Variants in JMY observed in about 807,000 individuals in gnomAD.
JMY encodes the protein junction-mediating and -regulatory protein.
Under a neutral mutation model 103.3 loss-of-function variants are expected in JMY, and 46 were observed. That is an observed-to-expected ratio of 0.45 (90% confidence interval 0.35 to 0.57). JMY has a LOEUF of 0.57. Among genes scored for constraint, JMY ranks in the 20% least tolerant of loss-of-function variants. The pLI, the probability that JMY is intolerant of heterozygous loss-of-function variation, is 0.00. For missense variants in JMY, 1,238 were observed against 1,255.2 expected (o/e 0.99, Z 0.21); for synonymous variants, 526 against 489.3 (o/e 1.07, Z -0.99).
At chr5:79,272,510 C>T (rs1745814992) in intron 1 of JMY, among the ~76,000 whole-genome samples, 1 of 150,924 alleles carries the variant, frequency 6.6e-6, no homozygotes, top group African/African-American at 2.4e-5. Flanking sequence ...CTCTTCTTTT[C>T]CTGATTTCTT....
intron 7 of JMY, among the ~76,000 whole-genome samples, chr5:79,312,005 T>C (rs1027810593): frequency 6.6e-6 from 1 of 152,038 alleles, no homozygotes; most frequent in African/African-American, 2.4e-5. Flanking sequence ...TGGGTAGAGA[T>C]AGGGTTTCAC....
Position 79,236,786 on chromosome 5 carries a change from T to C in JMY, c.136T>C (p.Cys46Arg). 1 of 1,510,922 alleles carries C rather than the reference T, an allele frequency of 6.6e-7. No individual in the cohort carries two copies. Among genetic ancestry groups the C allele is most frequent in the Non-Finnish European group, 8.9e-7 (1 of 1,128,120 alleles). The allele number at this position is 1,510,922 out of a possible 1,614,324, so 93.6% of individuals were successfully genotyped here. A position where few individuals can be genotyped will look rare whatever the true frequency, so the allele number is the denominator to read the frequency against. ...NEIEGKFAIT[C>R]HNRTAQRQRS... ...GATTGAGGGCAAGTTTGCCATAACC[T>C]GCCACAACCGGACGGCCCAGAGGCA... Residue 46 changes from cysteine to arginine, a missense_variant, in exon 1 of 11, where the codon TGC (cysteine) becomes CGC (arginine). Coordinates refer to ENST00000396137, the MANE Select transcript of JMY (RefSeq NM_152405.5).
At position 79,326,448 on chromosome 5, in the gene JMY, A is replaced by G. The variant is rs1318442908; in HGVS notation, c.*4846A>G. ...ATTATATTGGTTTTAAAAAGTCTGC[A>G]TAATCACTAGGTGGCATTTTCCCTT... On this transcript the variant is annotated 3_prime_UTR_variant, in exon 11 of 11. Coordinates refer to ENST00000396137, the MANE Select transcript of JMY (RefSeq NM_152405.5). 1 of 152,064 alleles carries G rather than the reference A, an allele frequency of 6.6e-6. No homozygotes were observed. The highest frequency in any genetic ancestry group is 2.4e-5 in the African/African-American group (1 of 41,398). 9.4% of individuals were successfully genotyped at this position (152,064 alleles called of 1,614,324 possible).
At chr5:79,267,370 G>T (rs1188311707) in intron 1 of JMY, among the ~76,000 whole-genome samples, 1 of 151,884 alleles carries the variant, frequency 6.6e-6, no homozygotes, top group East Asian at 1.9e-4. Context: ...CTGTTGATTG[G>T]AGTGCTCCAT....
Position 79,269,676 on chromosome 5 carries a change from G to A in JMY, c.1033-8234G>A, listed in dbSNP as rs555978199. Among the ~76,000 whole-genome samples the A allele has an allele frequency of 3.2e-3, 484 of 152,078 alleles. 1 individual carries two copies. The highest frequency in any genetic ancestry group is 5.6e-3 in the Non-Finnish European group (381 of 67,982). On this transcript the variant is annotated intron_variant, in intron 1 of 10. Coordinates refer to ENST00000396137, the MANE Select transcript of JMY (RefSeq NM_152405.5). ...GTTAGATTTATACCTAATTTTTGGTGTGCTAATAGAAATAACATTTGGAAT... is the reference window on the plus strand; with the variant it reads ...GTTAGATTTATACCTAATTTTTGGTATGCTAATAGAAATAACATTTGGAAT...
At chr5:79,240,019 T>C (rs1744685084) in intron 1 of JMY, among the ~76,000 whole-genome samples, 1 of 151,592 alleles carries the variant, frequency 6.6e-6, no homozygotes, top group African/African-American at 2.4e-5. Flanking sequence ...ACTTTTTTTC[T>C]TTCTTTTTTT....
chr5:79,319,113 C>T (rs1747355077), intron 10 of JMY, among the ~76,000 whole-genome samples: 1 of 152,210 alleles, frequency 6.6e-6, no homozygotes, highest in African/African-American at 2.4e-5. Context: ...TGTCTCCTCC[C>T]ATCCCACCAT....
At position 79,290,123 on chromosome 5, in the gene JMY, T is replaced by A. The variant is rs752360414; in HGVS notation, c.1209T>A (p.Ile403=). 39 of 1,570,538 alleles carry A rather than the reference T, an allele frequency of 2.5e-5. No homozygotes were observed. In the African/African-American group the frequency reaches 4.0e-4, roughly 16 times the overall value. Reference sequence around the variant, plus strand: ...ATTTTTTCTTTTTCTCTCTGAAGATTTCCATGGAGAATGATTATCTGGGAC... The same window carrying A: ...ATTTTTTCTTTTTCTCTCTGAAGATATCCATGGAGAATGATTATCTGGGAC... ...LAMLRRQQIK[I]SMENDYLGPR... The change falls in exon 3 of 11, where the codon ATT becomes ATA. Residue 403 remains isoleucine (I), a splice_region_variant and synonymous_variant. Transcript: ENST00000396137.
intron 1 of JMY, among the ~76,000 whole-genome samples, chr5:79,255,810 T>C (rs954899628): frequency 1.3e-5 from 2 of 152,246 alleles, no homozygotes; most frequent in African/African-American, 2.4e-5. Context: ...TTCTGAGCCA[T>C]CTAGACCTGG....
rs1747149524 is a variant in JMY at position 79,314,607 on chromosome 5, C to G, written c.2415C>G (p.Ser805=). The G allele has an allele frequency of 3.7e-6, 6 of 1,613,226 alleles. No homozygotes were observed. Among genetic ancestry groups the G allele is most frequent in the Non-Finnish European group, 8.5e-7 (1 of 1,179,496 alleles). ...CTGTTACCATAAATCCACTCCCATC[C>G]CCTCTTCCTCCAACACCACCACCTC... ...PCSVTINPLP[S]PLPPTPPPPP... The change falls in exon 9 of 11, where the codon TCC becomes TCG. Residue 805 remains serine, a synonymous_variant. Coordinates refer to ENST00000396137, the MANE Select transcript of JMY (RefSeq NM_152405.5).
intron 7 of JMY, among the ~76,000 whole-genome samples, chr5:79,307,825 A>G (rs950790891): frequency 7.9e-5 from 12 of 152,046 alleles, no homozygotes; most frequent in African/African-American, 2.9e-4. Flanking sequence ...TGCAACGTCC[A>G]TCTCCTGGGT....
rs568698116 is a variant in JMY, at chr5:79,252,405, A to G, written c.1032+14723A>G. ...ATAACATGGCCTATCCTTGAGAGTG[A>G]TAGATATGCTAAGGAAAAGAACATG... On this transcript the variant is annotated intron_variant, in intron 1 of 10. Coordinates refer to ENST00000396137, the MANE Select transcript of JMY (RefSeq NM_152405.5). Among the ~76,000 whole-genome samples, 57 of 150,168 alleles carry G rather than the reference A, an allele frequency of 3.8e-4. 1 individual carries two copies. In the South Asian group the frequency reaches 0.012, roughly 31 times the overall value.
intron 1 of JMY, among the ~76,000 whole-genome samples, chr5:79,273,916 C>A (rs748701591): frequency 2.6e-5 from 4 of 152,014 alleles, no homozygotes; most frequent in African/African-American, 4.8e-5. Context: ...CTGCAAGCTC[C>A]GCCTCCCGGG....
intron 1 of JMY, among the ~76,000 whole-genome samples, chr5:79,258,537 A>G (rs1159913651): frequency 6.6e-6 from 1 of 152,090 alleles, no homozygotes; most frequent in East Asian, 1.9e-4. Flanking sequence ...AGAGCCAGTC[A>G]TGGAGCGGTG....
At chr5:79,255,065 T>C (rs78214407) in intron 1 of JMY, among the ~76,000 whole-genome samples, 5,480 of 151,316 alleles carry the variant, frequency 0.036, 326 homozygotes, top group African/African-American at 0.13. Context: ...TGAAATTCTT[T>C]TAGTTTCCCC....
chr5:79,260,117 G>A (rs112389963), intron 1 of JMY, among the ~76,000 whole-genome samples: 2,352 of 152,298 alleles, frequency 0.015, 64 homozygotes, highest in African/African-American at 0.054. Flanking sequence ...CCTGGCCAGC[G>A]CCACACAAAT....
chr5:79,308,955 T>A (rs772459010), intron 7 of JMY, among the ~76,000 whole-genome samples: 25 of 152,048 alleles, frequency 1.6e-4, no homozygotes, highest in Non-Finnish European at 2.9e-4. Context: ...GTCAGGGAGG[T>A]GGTAATATAA....
chr5:79,245,238 C>T (rs924880474), intron 1 of JMY, among the ~76,000 whole-genome samples: 2 of 152,016 alleles, frequency 1.3e-5, no homozygotes, highest in African/African-American at 4.8e-5. Context: ...AGGGTAGTGG[C>T]TAGGGTCTTA....
chr5:79,313,070 C>T (rs1747100636), intron 8 of JMY, among the ~76,000 whole-genome samples: 1 of 152,072 alleles, frequency 6.6e-6, no homozygotes, highest in African/African-American at 2.4e-5. Flanking sequence ...TGAAGGATCA[C>T]TTTGTAGGTG....
Sources: allele counts gnomAD v4.1 joint callset (sites outside exome capture counted in the v4.1 genomes callset), GRCh38; gene constraint gnomAD v4.1.1; transcripts MANE v1.5; gene names NCBI Gene and HGNC (gene_info 2026-07-23, HGNC 2026-07-21).